The following UTS2B variants were observed in gnomAD, a reference collection of about 807,000 sequenced individuals.
UTS2B encodes the protein urotensin 2B.
UTS2B carries 21 observed loss-of-function variants against 19.2 expected under a neutral mutation model. That is an observed-to-expected ratio of 1.09 (90% CI 0.78 to 1.58). The LOEUF is 1.58. Ranked by LOEUF, UTS2B falls within the 40% of genes most tolerant of loss-of-function variation. UTS2B has a pLI of 0.00. For synonymous variants in UTS2B, 57 were observed against 50.2 expected (o/e 1.14, Z -0.58); for missense variants, 138 against 130.3 (o/e 1.06, Z -0.29).
chr3:191,277,287 T>G (rs1014191701), intron 6 of UTS2B, among the ~76,000 whole-genome samples: 5 of 152,060 alleles, frequency 3.3e-5, no homozygotes, highest in Admixed American at 6.5e-5. Context: ...GGGTATAAAT[T>G]TTTTGTTTTT....
At chr3:191,334,853 A>G (rs149704059), upstream of UTS2B, among the ~76,000 whole-genome samples, 12 of 152,300 alleles carry the variant, frequency 7.9e-5, no homozygotes, top group African/African-American at 2.6e-4. Context: ...AGGATAATGT[A>G]TCATATGGAT....
chr3:191,287,352 C>G (rs576060531), intron 4 of UTS2B, among the ~76,000 whole-genome samples: 13 of 152,182 alleles, frequency 8.5e-5, no homozygotes, highest in Non-Finnish European at 1.6e-4. Flanking sequence ...CAAAAATCCT[C>G]AGCAAAATAC....
chr3:191,289,447 T>TAAATAAATAAATAAAAA (rs1206575948), intron 4 of UTS2B, among the ~76,000 whole-genome samples: 1 of 144,582 alleles, frequency 6.9e-6, no homozygotes, highest in East Asian at 2.0e-4. Flanking sequence ...AATAAATAAA[T>TAAATAAATAAATAAAAA]AAAAAACAAA....
intron 4 of UTS2B, among the ~76,000 whole-genome samples, chr3:191,301,379 T>C (rs1716994104): frequency 6.6e-6 from 1 of 152,100 alleles, no homozygotes; most frequent in Non-Finnish European, 1.5e-5. Flanking sequence ...ACCACAAGAG[T>C]GTTGAGAACT....
chr3:191,291,874 C>T (rs1716729733), intron 4 of UTS2B, among the ~76,000 whole-genome samples: 1 of 152,006 alleles, frequency 6.6e-6, no homozygotes, highest in South Asian at 2.1e-4. Context: ...ATAATTCTTT[C>T]CCCCATGAAT....
In UTS2B at chr3:191,268,284, A is replaced by G. The variant is rs1272152589; in HGVS notation, c.*132T>C. On this transcript the variant is annotated 3_prime_UTR_variant, in exon 9 of 9. Transcript: ENST00000340524. ...TACACAATCCCGCATGCAATTTTGT[A>G]TTTACAATAATCAGGAGCATTTCAT... 8 of 681,988 alleles carry G rather than the reference A, an allele frequency of 1.2e-5. No individual in the cohort carries two copies. The highest frequency in any genetic ancestry group is 1.6e-5 in the Non-Finnish European group (7 of 425,948). 42.2% of individuals were successfully genotyped at this position (681,988 alleles called of 1,614,324 possible).
intron 8 of UTS2B, 69 bp from the exon 9 acceptor site, chr3:191,268,510 G>T (rs1311354726): frequency 5.4e-6 from 6 of 1,116,418 alleles, no homozygotes; most frequent in African/African-American, 4.7e-5. Context: ...TGAATCAATA[G>T]CTTATGTGTG....
the UTS2B span, among the ~76,000 whole-genome samples, chr3:191,340,161 A>G: frequency 6.6e-6 from 1 of 152,212 alleles, no homozygotes; most frequent in African/African-American, 2.4e-5. Context: ...GTCTCCTCAC[A>G]GGTCAGGACA....
At chr3:191,270,222 T>C (rs1460858019) in intron 8 of UTS2B, among the ~76,000 whole-genome samples, 2 of 152,180 alleles carry the variant, frequency 1.3e-5, no homozygotes, top group African/African-American at 2.4e-5. Context: ...ACGTGGATTA[T>C]GTTCAGCTTT....
At chr3:191,289,641 A>G (rs575604143) in intron 4 of UTS2B, among the ~76,000 whole-genome samples, 3 of 152,224 alleles carry the variant, frequency 2.0e-5, no homozygotes, top group Admixed American at 1.3e-4. Context: ...TAAAATATAT[A>G]AGCTTGAAGG....
chr3:191,292,770 A>G (rs1204150811), intron 4 of UTS2B, among the ~76,000 whole-genome samples: 1 of 152,118 alleles, frequency 6.6e-6, no homozygotes, highest in African/African-American at 2.4e-5. Flanking sequence ...ACTGTTAAGG[A>G]TGATGTTAAT....
chr3:191,278,199 A>C lies in UTS2B; in HGVS notation c.104-29T>G, dbSNP rs370687091. ...TAATGATCAAAAACCACCATTTTCAATTTGAGTCACCGAAAATATTTCTAA... is the reference window on the plus strand; with the variant it reads ...TAATGATCAAAAACCACCATTTTCACTTTGAGTCACCGAAAATATTTCTAA... On this transcript the variant is annotated intron_variant, in intron 5 of 8. Coordinates refer to ENST00000340524, the MANE Select transcript of UTS2B (RefSeq NM_198152.5). The C allele has an allele frequency of 6.3e-5, 79 of 1,254,802 alleles. No individual in the cohort carries two copies. In the African/African-American group the frequency reaches 1.2e-3, roughly 18 times the overall value. 77.7% of individuals were successfully genotyped at this position (1,254,802 alleles called of 1,614,324 possible).
upstream of UTS2B, among the ~76,000 whole-genome samples, chr3:191,334,153 T>G (rs1195323086): frequency 6.6e-6 from 1 of 152,116 alleles, no homozygotes; most frequent in Non-Finnish European, 1.5e-5. Flanking sequence ...GTGTGCCACA[T>G]GTTGTGTTGA....
At chr3:191,306,313 C>T (rs1717138854) in intron 3 of UTS2B, among the ~76,000 whole-genome samples, 1 of 152,172 alleles carries the variant, frequency 6.6e-6, no homozygotes, top group Non-Finnish European at 1.5e-5. Context: ...ACATAAAAAG[C>T]ACAAGTTAAC....
intron 4 of UTS2B, among the ~76,000 whole-genome samples, chr3:191,300,119 C>T (rs999994255): frequency 2.3e-4 from 35 of 152,000 alleles, no homozygotes; most frequent in African/African-American, 6.8e-4. Flanking sequence ...GGTGCAATCT[C>T]GGCACGCTGC....
At chr3:191,315,132 C>T (rs1717412165) in intron 3 of UTS2B, among the ~76,000 whole-genome samples, 1 of 151,942 alleles carries the variant, frequency 6.6e-6, no homozygotes, top group African/African-American at 2.4e-5. Context: ...CCTGCCTCAG[C>T]CTCCCGAGTA....
At chr3:191,276,036 T>C (rs964102693) in intron 7 of UTS2B, among the ~76,000 whole-genome samples, 7 of 152,186 alleles carry the variant, frequency 4.6e-5, no homozygotes, top group African/African-American at 7.2e-5. Flanking sequence ...CTACAAATTA[T>C]TGTGTCAATA....
At chr3:191,296,125 T>C (rs1487145991) in intron 4 of UTS2B, among the ~76,000 whole-genome samples, 3 of 152,182 alleles carry the variant, frequency 2.0e-5, no homozygotes, top group Non-Finnish European at 4.4e-5. Context: ...CTCAATCTCA[T>C]CTGTATCTGT....
chr3:191,343,285 A>G, the UTS2B span, among the ~76,000 whole-genome samples: 1 of 152,126 alleles, frequency 6.6e-6, no homozygotes, highest in South Asian at 2.1e-4. Flanking sequence ...TTTGTTTAAG[A>G]TTATTTAGTT....
Sources: gnomAD v4.1 joint callset for allele counts (sites outside exome capture counted in the v4.1 genomes callset) on GRCh38, gnomAD v4.1.1 for gene constraint, MANE v1.5 for transcripts, NCBI Gene and HGNC (gene_info 2026-07-23, HGNC 2026-07-21) for gene names.